The following EPB41L4B variants were observed in gnomAD, a reference collection of about 807,000 sequenced individuals.
The protein encoded by EPB41L4B is erythrocyte membrane protein band 4.1 like 4B, also known as band 4.1-like protein 4B.
In EPB41L4B, 30 loss-of-function variants were observed where a neutral mutation model predicts 112.5. The ratio of observed to expected loss-of-function variants is 0.27; its 90% CI spans 0.20 to 0.36. The LOEUF is 0.36. EPB41L4B is among the 10% of genes least tolerant of loss of function. The pLI is 1.00. For synonymous variants in EPB41L4B, 408 were observed against 439.7 expected, an observed-to-expected ratio of 0.93 and a Z score of 0.90; for missense variants, 1,024 against 1,133.3, an observed-to-expected ratio of 0.90 and a Z score of 1.38.
At chr9:109,300,424 A>G (rs982552464) in intron 1 of EPB41L4B, 33 of 152,186 alleles carry the variant, frequency 2.2e-4, no homozygotes, top group African/African-American at 7.0e-4. Flanking sequence ...TTAACCTACA[A>G]CCCCACCATC....
Position 109,176,695 on chromosome 9 carries a change from G to T in EPB41L4B, c.2489C>A (p.Ala830Glu). Residue 830 changes from alanine (A) to glutamate (E), a missense_variant and splice_region_variant, in exon 25 of 26, where the codon GCA (alanine) becomes GAA (glutamate). Ala to Glu is a moderately radical substitution (Grantham distance 107). Transcript: ENST00000374566. ...DTFTTGPQFT[A>E]DFRDSKLQCC... Reference sequence around the variant, plus strand: ...CTGTAATTTACTGTCTCTGAAGTCTGCCTGGAGAAGAAACAGGAAAGAGGA... The same window carrying T: ...CTGTAATTTACTGTCTCTGAAGTCTTCCTGGAGAAGAAACAGGAAAGAGGA... The T allele has an allele frequency of 6.2e-7, 1 of 1,612,254 alleles. No homozygotes were observed. Among genetic ancestry groups the T allele is most frequent in the Non-Finnish European group, 8.5e-7 (1 of 1,179,496 alleles).
At chr9:109,234,616 G>C (rs983195592) in intron 15 of EPB41L4B, among the ~76,000 whole-genome samples, 1 of 152,242 alleles carries the variant, frequency 6.6e-6, no homozygotes, top group African/African-American at 2.4e-5. Context: ...TGTAAACCCA[G>C]TATTTGGGGA....
intron 15 of EPB41L4B, chr9:109,239,632 G>A (rs1261333112): frequency 5.8e-6 from 1 of 173,568 alleles, no homozygotes; most frequent in South Asian, 1.9e-4. Context: ...ACTAAGTTAA[G>A]GAATGAAAAG....
intron 8 of EPB41L4B, 71 bp from the exon 9 acceptor site, chr9:109,256,295 A>G (rs1834980905): frequency 6.3e-7 from 1 of 1,589,054 alleles, no homozygotes; most frequent in Non-Finnish European, 8.6e-7. Flanking sequence ...GCAAAATGCA[A>G]AAACAGTTTC....
intron 13 of EPB41L4B, among the ~76,000 whole-genome samples, chr9:109,249,658 C>A (rs1457496637): frequency 1.3e-5 from 2 of 151,982 alleles, no homozygotes; most frequent in East Asian, 3.9e-4. Context: ...CTTACAAGCC[C>A]CAGAGAATTA....
At chr9:109,304,604 T>C (rs775231599) in intron 1 of EPB41L4B, among the ~76,000 whole-genome samples, 57 of 152,210 alleles carry the variant, frequency 3.7e-4, no homozygotes, top group Non-Finnish European at 2.8e-4. Flanking sequence ...AGGCACTGTG[T>C]GTTCTCTCCT....
chr9:109,314,462 T>G (rs1837550490), intron 1 of EPB41L4B, among the ~76,000 whole-genome samples: 1 of 152,104 alleles, frequency 6.6e-6, no homozygotes. Flanking sequence ...CCTGTACCAG[T>G]GTAGGGTCAT....
chr9:109,231,942 T>C (rs964764367), intron 15 of EPB41L4B, among the ~76,000 whole-genome samples: 3 of 152,070 alleles, frequency 2.0e-5, no homozygotes, highest in South Asian at 2.1e-4. Context: ...AATACAAATA[T>C]AGTTGTTTTG....
In EPB41L4B at chr9:109,259,601, A is replaced by G. The variant is rs543453448; in HGVS notation, c.632-1304T>C. On this transcript the variant is annotated intron_variant, in intron 6 of 25. Coordinates refer to ENST00000374566, the MANE Select transcript of EPB41L4B (RefSeq NM_019114.5). ...ATCCCAACCCTATCATAATCTATCT[A>G]TGTGACTGCAGGCAAGTCACTTAAC... is the stretch of plus-strand genomic sequence containing the variant. Among the ~76,000 whole-genome samples the G allele has an allele frequency of 2.6e-5, 4 of 152,296 alleles. No individual in the cohort carries two copies. The South Asian group carries it at 6.2e-4, about 24-fold the overall frequency.
intron 12 of EPB41L4B, among the ~76,000 whole-genome samples, chr9:109,253,041 C>T (rs1397890563): frequency 6.6e-6 from 1 of 152,154 alleles, no homozygotes; most frequent in Non-Finnish European, 1.5e-5. Flanking sequence ...TGTACTTGTA[C>T]GTGGTCAGAA....
intron 1 of EPB41L4B, among the ~76,000 whole-genome samples, chr9:109,280,203 A>G (rs938436040): frequency 5.9e-5 from 9 of 152,222 alleles, no homozygotes; most frequent in Admixed American, 1.3e-4. Flanking sequence ...CTACATGGGA[A>G]GATAAGCTTT....
In EPB41L4B at chr9:109,267,422, C is replaced by T. The variant is rs749700639; in HGVS notation, c.533+51G>A. 1.2e-5 allele frequency: 14 copies of T among 1,171,922 alleles called. No homozygotes were observed. The South Asian group carries it at 1.7e-4, about 14-fold the overall frequency. The allele number at this position is 1,171,922 out of a possible 1,614,324, so 72.6% of individuals were successfully genotyped here. A position where few individuals can be genotyped will look rare whatever the true frequency, so the allele number is the denominator to read the frequency against. ...CACAATTGAGAAGAGCCATAAATGA[C>T]ATGTAAGGCAAGCCCTGCTGGGCGG... On this transcript the variant is annotated intron_variant, in intron 4 of 25. Coordinates refer to ENST00000374566, the MANE Select transcript of EPB41L4B (RefSeq NM_019114.5).
chr9:109,281,275 G>T (rs977766164), intron 1 of EPB41L4B, among the ~76,000 whole-genome samples: 2 of 151,568 alleles, frequency 1.3e-5, no homozygotes, highest in Non-Finnish European at 2.9e-5. Flanking sequence ...ATGGACAGAG[G>T]GTACATACAA....
At chr9:109,219,020 G>A (rs1833483641) in intron 15 of EPB41L4B, among the ~76,000 whole-genome samples, 1 of 152,230 alleles carries the variant, frequency 6.6e-6, no homozygotes, top group Non-Finnish European at 1.5e-5. Flanking sequence ...TCTCCTGGGG[G>A]AAGGTGTTTG....
At chr9:109,216,197 A>G (rs1054926146) in intron 16 of EPB41L4B, among the ~76,000 whole-genome samples, 4 of 152,372 alleles carry the variant, frequency 2.6e-5, no homozygotes, top group Admixed American at 2.0e-4. Flanking sequence ...CCACAGAGGC[A>G]GAGAACTGTT....
chr9:109,243,502 C>T (rs1834428124), intron 15 of EPB41L4B, 116 bp downstream of exon 15: 1 of 885,624 alleles, frequency 1.1e-6, no homozygotes. Flanking sequence ...CATGACAATG[C>T]ATCCCTTAAG....
intron 1 of EPB41L4B, among the ~76,000 whole-genome samples, chr9:109,307,015 GTTTTTTTT>G: frequency 8.0e-6 from 1 of 124,500 alleles, no homozygotes; most frequent in South Asian, 2.7e-4. Flanking sequence ...TGCTGCAGTT[GTTTTTTTT>G]TTTTTTTTTT....
At chr9:109,260,410 C>CTTTTT (rs35040371) in intron 6 of EPB41L4B, among the ~76,000 whole-genome samples, 164 of 102,514 alleles carry the variant, frequency 1.6e-3, no homozygotes, top group African/African-American at 5.6e-3. Context: ...TCAATTGTAT[C>CTTTTT]TTTTTTTTTT....
chr9:109,236,187 A>G (rs1389484995), intron 15 of EPB41L4B, among the ~76,000 whole-genome samples: 2 of 152,200 alleles, frequency 1.3e-5, no homozygotes, highest in Non-Finnish European at 2.9e-5. Context: ...AACAGCTGGA[A>G]TTCCCTAGTC....
Sources: allele counts gnomAD v4.1 joint callset (sites outside exome capture counted in the v4.1 genomes callset), GRCh38; gene constraint gnomAD v4.1.1; transcripts MANE v1.5; gene names NCBI Gene and HGNC (gene_info 2026-07-23, HGNC 2026-07-21).